HCRTR2: variants seen among roughly 807,000 people sequenced by gnomAD.
The protein encoded by HCRTR2 is orexin receptor type 2.
In HCRTR2, 22 loss-of-function variants were observed where a neutral mutation model predicts 49.0. That is an observed-to-expected ratio of 0.45 (90% confidence interval 0.32 to 0.64). The LOEUF is 0.64. Among genes scored for constraint, HCRTR2 ranks in the 30% least tolerant of loss-of-function variants. HCRTR2 has a pLI of 0.04. For synonymous variants in HCRTR2, 236 were observed against 205.3 expected (o/e 1.15, Z -1.28); for missense variants, 491 against 559.4 (o/e 0.88, Z 1.23).
chr6:55,255,177 C>A lies in HCRTR2; in HGVS notation c.444C>A (p.Ile148=). 1.2e-6 allele frequency: 2 copies of A among 1,613,896 alleles called. No homozygotes were observed. The highest frequency in any genetic ancestry group is 1.7e-6 in the Non-Finnish European group (2 of 1,179,902). The change falls in exon 3 of 7, where the codon ATC becomes ATA. Residue 148 remains isoleucine (I), a synonymous_variant. Coordinates refer to ENST00000370862, the MANE Select transcript of HCRTR2 (RefSeq NM_001384272.1). ...VSVSVLTLSC[I]ALDRWYAICH... ...TGTCTGTCCTCACACTGAGCTGTAT[C>A]GCCTTGGATCGGTGGTATGCAATCT...
intron 1 of HCRTR2, among the ~76,000 whole-genome samples, chr6:55,125,308 G>C (rs1423838049): frequency 2.0e-5 from 3 of 152,114 alleles, no homozygotes; most frequent in Non-Finnish European, 4.4e-5. Context: ...GGCAGGTCTG[G>C]TGGTGACAAA....
intron 1 of HCRTR2, among the ~76,000 whole-genome samples, chr6:55,214,967 T>C (rs1369265108): frequency 6.6e-6 from 1 of 151,938 alleles, no homozygotes; most frequent in Non-Finnish European, 1.5e-5. Flanking sequence ...CCAATATGTG[T>C]TATCAGAGTT....
intron 2 of HCRTR2, among the ~76,000 whole-genome samples, chr6:55,249,853 T>C (rs964248058): frequency 1.3e-5 from 2 of 151,962 alleles, no homozygotes; most frequent in Non-Finnish European, 2.9e-5. Flanking sequence ...CACTCTCTGC[T>C]TGTCTTCCCA....
chr6:55,247,771 A>G (rs1766474397), intron 1 of HCRTR2, among the ~76,000 whole-genome samples: 1 of 152,136 alleles, frequency 6.6e-6, no homozygotes, highest in African/African-American at 2.4e-5. Flanking sequence ...CTACAAGGCA[A>G]TGAGGGAGGC....
chr6:55,256,770 G>T lies in HCRTR2; in HGVS notation c.646+1391G>T, dbSNP rs139660548. Among the ~76,000 whole-genome samples, 512 of 152,040 alleles carry T rather than the reference G, an allele frequency of 3.4e-3. 1 individual carries two copies. Among genetic ancestry groups the T allele is most frequent in the African/African-American group, 0.012 (496 of 41,480 alleles). On this transcript the variant is annotated intron_variant, in intron 3 of 6. Coordinates refer to ENST00000370862, the MANE Select transcript of HCRTR2 (RefSeq NM_001384272.1). ...GTGTCTTATGTCCCATTCATTTAAT[G>T]CTCAAACACCACCTTGAGAACTTAG...
chr6:55,218,083 A>G (rs1447309300), intron 1 of HCRTR2, among the ~76,000 whole-genome samples: 2 of 152,218 alleles, frequency 1.3e-5, no homozygotes, highest in East Asian at 3.9e-4. Context: ...AGCAAGAACA[A>G]TAGCCAAACT....
rs138658603 is a variant in HCRTR2 at position 55,111,514 on chromosome 6, A to G, written c.-378+4969A>G. Among the ~76,000 whole-genome samples the G allele has an allele frequency of 1.3e-3, 194 of 152,192 alleles. 4 individuals carry two copies. Among genetic ancestry groups the G allele is most frequent in the African/African-American group, 4.5e-3 (187 of 41,564 alleles). Reference sequence around the variant, plus strand: ...ATATGAAAGATTATTCAAGGGTACTATGAACACCTTTACATGCACAAACTA... The same window carrying G: ...ATATGAAAGATTATTCAAGGGTACTGTGAACACCTTTACATGCACAAACTA... On this transcript the variant is annotated intron_variant, in intron 1 of 7. Coordinates refer to the HCRTR2 transcript ENST00000615358.
intron 1 of HCRTR2, among the ~76,000 whole-genome samples, chr6:55,122,785 C>T (rs1452673437): frequency 2.0e-5 from 3 of 151,896 alleles, no homozygotes; most frequent in African/African-American, 7.3e-5. Context: ...TACTATGCAG[C>T]CATAAAAAAT....
chr6:55,174,471 T>C (rs200608285), upstream of HCRTR2: 2 of 876,186 alleles, frequency 2.3e-6, no homozygotes, highest in Non-Finnish European at 3.9e-6. Context: ...CGTCATTTTC[T>C]GCTCGGGAGC....
chr6:55,267,300 T>C (rs551397403), intron 4 of HCRTR2, among the ~76,000 whole-genome samples: 1 of 152,230 alleles, frequency 6.6e-6, no homozygotes, highest in South Asian at 2.1e-4. Context: ...AGATTATTAG[T>C]GAGCAAATTG....
intron 1 of HCRTR2, among the ~76,000 whole-genome samples, chr6:55,137,640 C>T (rs377730689): frequency 6.6e-6 from 1 of 152,048 alleles, no homozygotes; most frequent in South Asian, 2.1e-4. Context: ...ATCCAAGAGA[C>T]AGTGTGATTT....
chr6:55,175,532 T>C (rs1402229952), intron 1 of HCRTR2, among the ~76,000 whole-genome samples: 1 of 152,086 alleles, frequency 6.6e-6, no homozygotes, highest in Non-Finnish European at 1.5e-5. Flanking sequence ...TTCAGTCTGC[T>C]TGTTGCCAGG....
At chr6:55,159,520 G>T (rs979751602) in intron 1 of HCRTR2, among the ~76,000 whole-genome samples, 2 of 152,234 alleles carry the variant, frequency 1.3e-5, no homozygotes, top group Non-Finnish European at 2.9e-5. Context: ...GGCTTGAAAA[G>T]GTGGGTAATA....
At chr6:55,127,916 C>G (rs960835646) in intron 1 of HCRTR2, among the ~76,000 whole-genome samples, 9 of 152,150 alleles carry the variant, frequency 5.9e-5, no homozygotes, top group African/African-American at 2.2e-4. Flanking sequence ...TGCAGAAGCT[C>G]TTTAGTTTAA....
intron 1 of HCRTR2, among the ~76,000 whole-genome samples, chr6:55,133,614 G>A (rs1764389477): frequency 6.6e-6 from 1 of 151,724 alleles, no homozygotes; most frequent in Admixed American, 6.6e-5. Flanking sequence ...TACGTTCTAA[G>A]AACGAAGACA....
intron 1 of HCRTR2, among the ~76,000 whole-genome samples, chr6:55,115,846 AAT>A (rs5876427): frequency 0.98 from 147,960 of 150,676 alleles, 72,655 homozygotes; most frequent in East Asian, 1. Context: ...TTAAAATTTA[AAT>A]ATATATATAT....
intron 1 of HCRTR2, among the ~76,000 whole-genome samples, chr6:55,162,172 G>C (rs368431429): frequency 6.6e-6 from 1 of 152,136 alleles, no homozygotes; most frequent in Non-Finnish European, 1.5e-5. Flanking sequence ...GGCATGCAAG[G>C]CTTGTTCAAC....
chr6:55,280,346 C>T lies in HCRTR2; in HGVS notation c.1007C>T (p.Thr336Ile), dbSNP rs763062065. The change falls in exon 6 of 7, where the codon ACT becomes ATT. Residue 336 changes from threonine to isoleucine, a missense_variant. Physicochemically the swap from Thr to Ile is moderately conservative, Grantham distance 89. Coordinates refer to ENST00000370862, the MANE Select transcript of HCRTR2 (RefSeq NM_001384272.1). ...AGAGTATTTGGGATGTTTGCCCATACTGAAGACAGAGAGACTGTGTATGCC... is the reference window on the plus strand; with the variant it reads ...AGAGTATTTGGGATGTTTGCCCATATTGAAGACAGAGAGACTGTGTATGCC... ...LKRVFGMFAH[T>I]EDRETVYAWF... 7.5e-6 allele frequency: 12 copies of T among 1,609,748 alleles called. No individual in the cohort carries two copies. The highest frequency in any genetic ancestry group is 2.2e-5 in the East Asian group (1 of 44,836).
intron 1 of HCRTR2, among the ~76,000 whole-genome samples, chr6:55,149,306 A>G (rs1764633812): frequency 6.6e-6 from 1 of 152,166 alleles, no homozygotes; most frequent in African/African-American, 2.4e-5. Context: ...AATATGTTTC[A>G]TATTTGTACC....
Sources: gnomAD v4.1 joint callset for allele counts (sites outside exome capture counted in the v4.1 genomes callset) on GRCh38, gnomAD v4.1.1 for gene constraint, MANE v1.5 for transcripts, NCBI Gene and HGNC (gene_info 2026-07-23, HGNC 2026-07-21) for gene names.